TCF4: variants seen among roughly 807,000 people sequenced by gnomAD.
The protein encoded by TCF4 is transcription factor 4, also known as SL3-3 enhancer factor 2.
In TCF4, 3 loss-of-function variants were observed where a neutral mutation model predicts 82.1. That is an observed-to-expected ratio of 0.04 (90% CI 0.02 to 0.09). TCF4 has a LOEUF of 0.09. Ranked by LOEUF, TCF4 falls within the 10% of genes least tolerant of loss-of-function variation. The probability of loss-of-function intolerance (pLI) is 1.00; values close to 1 mark genes in which losing one functional copy is unlikely to be tolerated. For synonymous variants in TCF4, 276 were observed against 309.6 expected (o/e 0.89, Z 1.14); for missense variants, 518 against 852.7 (o/e 0.61, Z 4.89).
intron 8 of TCF4, among the ~76,000 whole-genome samples, chr18:55,292,793 TAC>T (rs1304280009): frequency 1.3e-5 from 2 of 151,686 alleles, no homozygotes; most frequent in South Asian, 2.1e-4. Context: ...TATATGTATA[TAC>T]ACATACACAC....
chr18:55,580,797 G>C (rs2097568777), intron 3 of TCF4, among the ~76,000 whole-genome samples: 1 of 150,998 alleles, frequency 6.6e-6, no homozygotes, highest in South Asian at 2.1e-4. Flanking sequence ...TCAGGACTTT[G>C]AGCTAGACAA....
chr18:55,467,748 G>A (rs2096063408), intron 3 of TCF4, among the ~76,000 whole-genome samples: 1 of 152,150 alleles, frequency 6.6e-6, no homozygotes, highest in South Asian at 2.1e-4. Context: ...CCAGGACACT[G>A]CACGGTCTTT....
upstream of TCF4, among the ~76,000 whole-genome samples, chr18:55,592,912 A>G (rs1052450431): frequency 3.9e-5 from 6 of 152,188 alleles, no homozygotes; most frequent in African/African-American, 9.7e-5. Flanking sequence ...TTCTTTCCCA[A>G]TTACTATGAG....
chr18:55,350,817 G>GA, intron 7 of TCF4, 57 bp downstream of exon 7: 1 of 1,608,562 alleles, frequency 6.2e-7, no homozygotes, highest in Non-Finnish European at 8.5e-7. Context: ...AAGAAAGAAA[G>GA]AAAAAAAGAA....
At chr18:55,628,551 C>T (rs1036598435) in intron 2 of TCF4, among the ~76,000 whole-genome samples, 35 of 151,956 alleles carry the variant, frequency 2.3e-4, no homozygotes, top group African/African-American at 8.2e-4. Context: ...TTTCATTATA[C>T]ACAGAAAAGC....
chr18:55,231,879 A>G (rs1389376516), intron 17 of TCF4: 1 of 152,432 alleles, frequency 6.6e-6, no homozygotes. Context: ...GAGGCAAAGT[A>G]CACGGGTGTT....
chr18:55,382,917 A>G (rs980748170), intron 6 of TCF4, among the ~76,000 whole-genome samples: 3 of 152,232 alleles, frequency 2.0e-5, no homozygotes, highest in Non-Finnish European at 4.4e-5. Context: ...AATCTCATAC[A>G]CTATATAGGC....
At chr18:55,597,762 C>G (rs1416740191) in intron 2 of TCF4, among the ~76,000 whole-genome samples, 1 of 152,030 alleles carries the variant, frequency 6.6e-6, no homozygotes, top group Admixed American at 6.6e-5. Flanking sequence ...TTCCAAAGTG[C>G]AGTAAAATAA....
At chr18:55,319,572 A>G (rs981339454) in intron 8 of TCF4, among the ~76,000 whole-genome samples, 1 of 152,114 alleles carries the variant, frequency 6.6e-6, no homozygotes, top group Non-Finnish European at 1.5e-5. Context: ...GTTTGAATCA[A>G]TAGAGATACA....
chr18:55,321,676 C>G (rs1261226193), intron 8 of TCF4: 1 of 1,536,048 alleles, frequency 6.5e-7, no homozygotes, highest in African/African-American at 1.4e-5. Flanking sequence ...TTACCGCTTT[C>G]CCATTATAGT....
At chr18:55,405,588 A>G (rs1328359298) in intron 5 of TCF4, among the ~76,000 whole-genome samples, 2 of 152,204 alleles carry the variant, frequency 1.3e-5, no homozygotes, top group Admixed American at 1.3e-4. Context: ...CACACAGAAC[A>G]GGAGGGAGGA....
At chr18:55,412,371 C>T (rs61094284) in intron 5 of TCF4, among the ~76,000 whole-genome samples, 3,060 of 148,542 alleles carry the variant, frequency 0.021, 89 homozygotes, top group African/African-American at 0.072. Context: ...TTTAAGAAAT[C>T]GATTTTACAT....
At chr18:55,526,110 T>C (rs1314209506) in intron 3 of TCF4, among the ~76,000 whole-genome samples, 1 of 152,184 alleles carries the variant, frequency 6.6e-6, no homozygotes, top group East Asian at 1.9e-4. Flanking sequence ...TCAGTAGCTA[T>C]GTGCCATCTT....
At chr18:55,457,524 T>C (rs566948024) in intron 5 of TCF4, among the ~76,000 whole-genome samples, 92 of 152,308 alleles carry the variant, frequency 6.0e-4, no homozygotes, top group Non-Finnish European at 1.1e-3. Flanking sequence ...TCTCACTTAT[T>C]GCCCAGGTTG....
chr18:55,621,664 TTATATAA>T lies in TCF4; in HGVS notation c.286+9627_286+9633del, dbSNP rs2097719904. ...TATAATATACATTATATAATATACATTATATAATATACATTATATATTATATTATATA... is the reference window on the plus strand; with the variant it reads ...TATAATATACATTATATAATATACATTATACATTATATATTATATTATATA... On this transcript the variant is annotated intron_variant, in intron 2 of 20. Coordinates refer to the TCF4 transcript ENST00000398339. Among the ~76,000 whole-genome samples the T allele has an allele frequency of 4.1e-5, 2 of 48,804 alleles. 1 individual carries two copies. The highest frequency in any genetic ancestry group is 1.3e-4 in the African/African-American group (2 of 15,314). The allele number at this position is 48,804 out of a possible 152,430, so 32.0% of individuals were successfully genotyped here.
chr18:55,404,389 T>C (rs1034735908), intron 5 of TCF4: 2 of 152,572 alleles, frequency 1.3e-5, no homozygotes, highest in Admixed American at 1.3e-4. Flanking sequence ...TGGAGAATCA[T>C]TGTAGAAATC....
At chr18:55,355,347 A>C (rs549676067) in intron 6 of TCF4, among the ~76,000 whole-genome samples, 12 of 152,268 alleles carry the variant, frequency 7.9e-5, no homozygotes, top group Admixed American at 1.3e-4. Context: ...TCTGCACAGA[A>C]TCGGGTTTTC....
rs2097721970 is a variant in TCF4 at position 55,622,214 on chromosome 18, TAA to T, written c.286+9082_286+9083del. ...CCTCTTCTTTTCTTTTATGTAGACT[TAA>T]GAGTAACTGTGGCCGGGAGTGGTGG... On this transcript the variant is annotated intron_variant, in intron 2 of 20. Transcript: ENST00000398339. Among the ~76,000 whole-genome samples, 2 of 149,800 alleles carry T rather than the reference TAA, an allele frequency of 1.3e-5. 1 individual carries two copies.
At chr18:55,302,960 G>A (rs1326169303) in intron 8 of TCF4, among the ~76,000 whole-genome samples, 1 of 152,138 alleles carries the variant, frequency 6.6e-6, no homozygotes, top group Non-Finnish European at 1.5e-5. Flanking sequence ...AGCTACTAAA[G>A]AGAGCCCAGT....
Sources: gnomAD v4.1 joint callset for allele counts (sites outside exome capture counted in the v4.1 genomes callset) on GRCh38, gnomAD v4.1.1 for gene constraint, MANE v1.5 for transcripts, NCBI Gene and HGNC (gene_info 2026-07-23, HGNC 2026-07-21) for gene names.